Variants in C6 observed in about 807,000 individuals in gnomAD.
C6 encodes complement C6.
Under a neutral mutation model 112.9 loss-of-function variants are expected in C6, and 101 were observed. The ratio of observed to expected loss-of-function variants is 0.89; its 90% CI spans 0.76 to 1.06. C6 has a LOEUF of 1.06. Ranked by LOEUF, C6 falls within the 50% of genes least tolerant of loss-of-function variation. The pLI is 0.00. For missense variants in C6, 1,202 were observed against 1,104.6 expected (o/e 1.09, Z -1.25); for synonymous variants, 431 against 384.1 (o/e 1.12, Z -1.43).
intron 1 of C6, among the ~76,000 whole-genome samples, chr5:41,254,392 C>A (rs1490272855): frequency 1.3e-5 from 2 of 152,090 alleles, no homozygotes; most frequent in Admixed American, 1.3e-4. Flanking sequence ...GGCAACAGAG[C>A]AAGACTCCAT....
intron 8 of C6, among the ~76,000 whole-genome samples, chr5:41,174,330 C>T (rs1436550911): frequency 1.3e-5 from 2 of 152,248 alleles, no homozygotes; most frequent in East Asian, 3.9e-4. Context: ...CCTCAGTGTT[C>T]CTCTGCTGTG....
At chr5:41,201,777 T>A in intron 2 of C6, 63 bp from the exon 3 acceptor site, 4 of 1,387,808 alleles carry the variant, frequency 2.9e-6, no homozygotes, top group African/African-American at 1.4e-5. Context: ...TGCTCCATAA[T>A]CAAAGTATCA....
At chr5:41,239,313 T>C (rs571098999) in intron 1 of C6, among the ~76,000 whole-genome samples, 1 of 152,128 alleles carries the variant, frequency 6.6e-6, no homozygotes, top group South Asian at 2.1e-4. Flanking sequence ...GATTTTGCCA[T>C]GTTGGCCATC....
intron 7 of C6, among the ~76,000 whole-genome samples, chr5:41,180,512 T>C (rs1413362498): frequency 6.8e-6 from 1 of 148,080 alleles, no homozygotes; most frequent in Non-Finnish European, 1.5e-5. Context: ...GCTGTAGCTT[T>C]GTATATTAAA....
chr5:41,186,591 C>T (rs1327689116), intron 5 of C6, among the ~76,000 whole-genome samples: 2 of 151,910 alleles, frequency 1.3e-5, no homozygotes, highest in Non-Finnish European at 2.9e-5. Flanking sequence ...GAGTGGAATT[C>T]TAATAGAGAG....
At chr5:41,182,701 C>G (rs1749451947) in intron 6 of C6, among the ~76,000 whole-genome samples, 1 of 152,120 alleles carries the variant, frequency 6.6e-6, no homozygotes, top group African/African-American at 2.4e-5. Flanking sequence ...TAAAAGCATG[C>G]CTAAAGAATG....
At chr5:41,213,748 C>A (rs1752080955), upstream of C6, among the ~76,000 whole-genome samples, 1 of 152,132 alleles carries the variant, frequency 6.6e-6, no homozygotes, top group Admixed American at 6.6e-5. Context: ...AGATTAATTG[C>A]TTAAAATTGC....
chr5:41,172,117 T>C, intron 9 of C6, 108 bp downstream of exon 9: 2 of 1,132,488 alleles, frequency 1.8e-6, no homozygotes, highest in Non-Finnish European at 2.7e-6. Context: ...GGAAGAGAAA[T>C]GAAATAAATG....
At chr5:41,231,097 C>T (rs2150413330) in intron 1 of C6, among the ~76,000 whole-genome samples, 1 of 152,212 alleles carries the variant, frequency 6.6e-6, no homozygotes, top group South Asian at 2.1e-4. Flanking sequence ...GCTAAAGTGA[C>T]TCTCTTGTAG....
chr5:41,159,084 G>C lies in C6; in HGVS notation c.1854C>G (p.Asn618Lys), dbSNP rs747412547. The C allele has an allele frequency of 1.2e-6, 2 of 1,613,456 alleles. No homozygotes were observed. The highest frequency in any genetic ancestry group is 1.3e-5 in the African/African-American group (1 of 74,826). ...TCTTTTCCCTTACCCGGCCTTACTT[G>C]TTTTCCATGATTGAAAATGTGCAGT... ...EEDCTFSIMENNGQPCINDDE... is the reference protein window; with the variant it reads ...EEDCTFSIMEKNGQPCINDDE... The change falls in exon 12 of 18, where the codon AAC (asparagine) becomes AAG (lysine). Residue 618 changes from asparagine (N) to lysine (K), a missense_variant and splice_region_variant. By Grantham distance (94) the Asn-to-Lys change is moderately conservative (BLOSUM62 0). Transcript: ENST00000337836.
chr5:41,165,405 T>C (rs1280883120), intron 9 of C6, among the ~76,000 whole-genome samples: 2 of 152,346 alleles, frequency 1.3e-5, no homozygotes, highest in African/African-American at 4.8e-5. Flanking sequence ...ACCAGCAATG[T>C]ATGGCAGGTT....
intron 3 of C6, among the ~76,000 whole-genome samples, chr5:41,201,088 A>G (rs1242174480): frequency 6.6e-6 from 1 of 151,914 alleles, no homozygotes; most frequent in Non-Finnish European, 1.5e-5. Flanking sequence ...AATTATCTTC[A>G]GGCTATATGT....
In C6 at chr5:41,159,197, A is replaced by G. The variant is rs1747233286; in HGVS notation, c.1741T>C (p.Tyr581His). 2 of 1,613,344 alleles carry G rather than the reference A, an allele frequency of 1.2e-6. No homozygotes were observed. Among genetic ancestry groups the G allele is most frequent in the Admixed American group, 1.7e-5 (1 of 59,896 alleles). Residue 581 changes from tyrosine (Y) to histidine (H), a missense_variant, in exon 12 of 18, where the codon TAT becomes CAT. Tyr to His is a moderately conservative substitution (Grantham distance 83). Transcript: ENST00000337836. ...CATTCTCGGGTTCTCGATCTCTTAT[A>G]AGTAGCATCACAGGTACTCCAGGAA... ...WSSWSTCDAT[Y>H]KRSRTRECNN...
At chr5:41,214,958 A>G (rs575305297), upstream of C6, among the ~76,000 whole-genome samples, 86 of 152,210 alleles carry the variant, frequency 5.7e-4, no homozygotes, top group African/African-American at 2.0e-3. Flanking sequence ...CTTGAGATGG[A>G]ATGCGAATGT....
At chr5:41,218,253 T>G (rs1180880991), upstream of C6, among the ~76,000 whole-genome samples, 1 of 152,170 alleles carries the variant, frequency 6.6e-6, no homozygotes, top group African/African-American at 2.4e-5. Context: ...CCCTTGTTTA[T>G]GCAGTCACGT....
At position 41,161,728 on chromosome 5, in the gene C6, A is replaced by G. The variant is rs1747524698; in HGVS notation, c.1423T>C (p.Ser475Pro). 2 of 1,613,552 alleles carry G rather than the reference A, an allele frequency of 1.2e-6. No homozygotes were observed. The highest frequency in any genetic ancestry group is 1.7e-6 in the Non-Finnish European group (2 of 1,179,616). The change falls in exon 10 of 18, where the codon TCA becomes CCA. Residue 475 changes from serine (S) to proline (P), a missense_variant. Coordinates refer to ENST00000337836, the MANE Select transcript of C6 (RefSeq NM_000065.5). ...ATCACAGCAGGATTTTCCTTCACTG[A>G]TTCTAACCACTCAGAAAATGTCTTC... Reference protein sequence around the residue: ...EEKTFSEWLESVKENPAVIDF... With the variant: ...EEKTFSEWLEPVKENPAVIDF...
intron 1 of C6, among the ~76,000 whole-genome samples, chr5:41,229,371 T>G (rs1739736780): frequency 6.6e-6 from 1 of 151,994 alleles, no homozygotes; most frequent in African/African-American, 2.4e-5. Context: ...TTTCAGTAAG[T>G]TATGTTACCA....
intron 1 of C6, among the ~76,000 whole-genome samples, chr5:41,221,485 T>C (rs925462555): frequency 1.1e-4 from 16 of 152,148 alleles, no homozygotes; most frequent in African/African-American, 3.4e-4. Context: ...AGCACTGACA[T>C]TGGGCTCAGG....
chr5:41,162,258 C>G (rs549430875), intron 9 of C6, among the ~76,000 whole-genome samples: 1 of 152,320 alleles, frequency 6.6e-6, no homozygotes, highest in Non-Finnish European at 1.5e-5. Context: ...CTGCCCCTTA[C>G]TCTTTAATGT....
Sources: gnomAD v4.1 joint callset for allele counts (sites outside exome capture counted in the v4.1 genomes callset) on GRCh38, gnomAD v4.1.1 for gene constraint, MANE v1.5 for transcripts, NCBI Gene and HGNC (gene_info 2026-07-23, HGNC 2026-07-21) for gene names.